NAAA: variants seen among roughly 807,000 people sequenced by gnomAD.
NAAA encodes the protein N-acylethanolamine-hydrolyzing acid amidase.
Under a neutral mutation model 44.8 loss-of-function variants are expected in NAAA, and 39 were observed. The observed-to-expected ratio is 0.87, with a 90% CI of 0.67 to 1.14. The LOEUF (loss-of-function observed/expected upper bound fraction) is 1.14, where lower values mean the gene tolerates loss of function less well. Among genes scored for constraint, NAAA ranks in the 50% most tolerant of loss-of-function variants. The pLI is 0.00. For missense variants in NAAA, 460 were observed against 467.8 expected (o/e 0.98, Z 0.15); for synonymous variants, 178 against 191.3 (o/e 0.93, Z 0.58).
chr4:75,932,874 C>T (rs1239706613), intron 3 of NAAA, among the ~76,000 whole-genome samples: 4 of 152,006 alleles, frequency 2.6e-5, no homozygotes, highest in Non-Finnish European at 5.9e-5. Flanking sequence ...GTGGCTCACA[C>T]CTGTAATCCC....
At chr4:75,927,716 T>C (rs1412050024) in intron 4 of NAAA, among the ~76,000 whole-genome samples, 4 of 131,940 alleles carry the variant, frequency 3.0e-5, no homozygotes, top group Non-Finnish European at 6.2e-5. Flanking sequence ...AGGTAACATA[T>C]CACAATTAGA....
At chr4:75,920,701 G>GA in intron 7 of NAAA, 37 bp downstream of exon 7, 1 of 1,613,628 alleles carries the variant, frequency 6.2e-7, no homozygotes, top group Non-Finnish European at 8.5e-7. Context: ...CTGACCATAA[G>GA]AAAACACTGC....
chr4:75,931,074 T>C, intron 4 of NAAA, 140 bp downstream of exon 4: 1 of 614,316 alleles, frequency 1.6e-6, no homozygotes, highest in South Asian at 2.2e-5. Context: ...CCATGCATAC[T>C]GTCCACTTTC....
At chr4:75,927,865 A>C (rs928178331) in intron 4 of NAAA, among the ~76,000 whole-genome samples, 2 of 152,190 alleles carry the variant, frequency 1.3e-5, no homozygotes, top group African/African-American at 4.8e-5. Flanking sequence ...CAGTAAGCAC[A>C]TGAAAAGATA....
chr4:75,920,826 T>A (rs1160614954), intron 6 of NAAA, 26 bp from the exon 7 acceptor site: 1 of 1,614,044 alleles, frequency 6.2e-7, no homozygotes, highest in Admixed American at 1.7e-5. Flanking sequence ...TCATCTTGTC[T>A]TATCCAAGGC....
chr4:75,931,396 T>C, intron 3 of NAAA, 92 bp from the exon 4 acceptor site: 1 of 904,492 alleles, frequency 1.1e-6, no homozygotes, highest in East Asian at 2.6e-5. Context: ...GGATTTTTTT[T>C]CTTATAAATT....
In NAAA at chr4:75,920,984, G is replaced by C. The variant is rs189860152; in HGVS notation, c.806C>G (p.Ala269Gly). ...CAAAGGATCTAGAGGCCAAATGTCT[G>C]CTGGGCCATCTCTGTTCCTCGTGAT... ...VVITRNRDGP[A>G]DIWPLDPLNG... Residue 269 changes from alanine to glycine, a missense_variant, in exon 6 of 11, where the codon GCA becomes GGA. Transcript: ENST00000286733. 16 of 1,613,214 alleles carry C rather than the reference G, an allele frequency of 9.9e-6. No individual in the cohort carries two copies. The highest frequency in any genetic ancestry group is 3.3e-4 in the Middle Eastern group (2 of 6,062).
At chr4:75,922,638 C>G (rs1726280611) in intron 5 of NAAA, among the ~76,000 whole-genome samples, 1 of 152,186 alleles carries the variant, frequency 6.6e-6, no homozygotes, top group African/African-American at 2.4e-5. Flanking sequence ...ACAATGTCCC[C>G]TGTATCTTTG....
intron 2 of NAAA, 115 bp from the exon 3 acceptor site, chr4:75,936,350 C>T: frequency 8.7e-7 from 1 of 1,155,308 alleles, no homozygotes; most frequent in Non-Finnish European, 1.2e-6. Context: ...TTCCTTATAA[C>T]TGATATATGT....
chr4:75,939,886 A>T, intron 2 of NAAA, 115 bp downstream of exon 2: 4 of 1,224,726 alleles, frequency 3.3e-6, no homozygotes, highest in Non-Finnish European at 3.5e-6. Flanking sequence ...GGAGGTTTCT[A>T]GGCAAGCAGG....
rs560277413 is a variant in NAAA at position 75,920,907 on chromosome 4, T to A, written c.839+44A>T. 5.6e-6 allele frequency: 9 copies of A among 1,613,216 alleles called. No homozygotes were observed. In the South Asian group the frequency reaches 9.9e-5, roughly 18 times the overall value. ...CCCTCATTTCACCGATTAAAAAAAA[T>A]GATTATCTGATACAAAATGACCAGA... On this transcript the variant is annotated intron_variant, in intron 6 of 10. Coordinates refer to ENST00000286733, the MANE Select transcript of NAAA (RefSeq NM_014435.4).
intron 4 of NAAA, 86 bp downstream of exon 4, chr4:75,931,128 A>G: frequency 9.5e-7 from 1 of 1,058,122 alleles, no homozygotes; most frequent in Non-Finnish European, 1.4e-6. Context: ...GGTGTTCTGT[A>G]TATTCTGTTG....
intron 4 of NAAA, among the ~76,000 whole-genome samples, chr4:75,930,904 C>T (rs545169072): frequency 6.6e-6 from 1 of 152,300 alleles, no homozygotes; most frequent in African/African-American, 2.4e-5. Flanking sequence ...AAATGGTCTT[C>T]CCCTGGCTTC....
rs115700715 is a variant in NAAA, at chr4:75,928,572, A to T, written c.589+2642T>A. Among the ~76,000 whole-genome samples, 1,446 of 152,012 alleles carry T rather than the reference A, an allele frequency of 9.5e-3. 21 individuals are homozygous for T. The highest frequency in any genetic ancestry group is 0.033 in the African/African-American group (1,360 of 41,332). The stretch of plus-strand genomic sequence containing the variant: ...AATAGGGAAAAGAAAAAAGCAAGAG[A>T]TCTGCTTAGGCAAGTGTAAGATGCC... On this transcript the variant is annotated intron_variant, in intron 4 of 10. Coordinates refer to ENST00000286733, the MANE Select transcript of NAAA (RefSeq NM_014435.4).
chr4:75,920,110 C>A lies in NAAA; in HGVS notation c.903-135G>T. Reference sequence around the variant, plus strand: ...CTCCAAAACAGATTCTGGCCCCAAGCCTGTTTCCTGCTGAGGCCCAGCCCA... The same window carrying A: ...CTCCAAAACAGATTCTGGCCCCAAGACTGTTTCCTGCTGAGGCCCAGCCCA... On this transcript the variant is annotated intron_variant, in intron 7 of 10. Transcript: ENST00000286733. 7 of 839,840 alleles carry A rather than the reference C, an allele frequency of 8.3e-6. No individual in the cohort carries two copies. The South Asian group carries it at 1.0e-4, about 12-fold the overall frequency. 52.0% of individuals were successfully genotyped at this position (839,840 alleles called of 1,614,324 possible).
At chr4:75,911,361 G>T, downstream of NAAA, 1 of 498,112 alleles carries the variant, frequency 2.0e-6, no homozygotes, top group Non-Finnish European at 4.0e-6. Context: ...TCACTGCACA[G>T]ACAAAACCAA....
intron 2 of NAAA, among the ~76,000 whole-genome samples, chr4:75,936,493 G>A (rs1429567474): frequency 6.6e-6 from 1 of 152,164 alleles, no homozygotes; most frequent in East Asian, 1.9e-4. Context: ...CATAAGCATA[G>A]TAAGTGAGAA....
chr4:75,918,668 G>A (rs1393333103), intron 9 of NAAA, 93 bp downstream of exon 9: 3 of 1,358,062 alleles, frequency 2.2e-6, no homozygotes, highest in Admixed American at 3.4e-5. Context: ...CTGGTTACAG[G>A]AGCCCTCAGA....
At chr4:75,910,889 G>A (rs1292792810), downstream of NAAA, among the ~76,000 whole-genome samples, 2 of 152,280 alleles carry the variant, frequency 1.3e-5, no homozygotes, top group East Asian at 3.9e-4. Flanking sequence ...GTGCACGTGG[G>A]CTGAGTCCAA....
Sources: gnomAD v4.1 joint callset for allele counts (sites outside exome capture counted in the v4.1 genomes callset) on GRCh38, gnomAD v4.1.1 for gene constraint, MANE v1.5 for transcripts, NCBI Gene and HGNC (gene_info 2026-07-23, HGNC 2026-07-21) for gene names.